PEPD: variants seen among roughly 807,000 people sequenced by gnomAD.
PEPD encodes the protein xaa-Pro dipeptidase.
In PEPD, 53 loss-of-function variants were observed where a neutral mutation model predicts 60.7. The ratio of observed to expected loss-of-function variants is 0.87; its 90% CI spans 0.70 to 1.10. PEPD has a LOEUF of 1.10. Ranked by LOEUF, PEPD falls within the 50% of genes least tolerant of loss-of-function variation. The pLI, the probability that PEPD is intolerant of heterozygous loss-of-function variation, is 0.00. For missense variants in PEPD, 711 were observed against 711.9 expected (o/e 1.00, Z 0.01); for synonymous variants, 267 against 284.1 (o/e 0.94, Z 0.60).
intron 11 of PEPD, among the ~76,000 whole-genome samples, chr19:33,404,388 C>A (rs1377760323): frequency 6.6e-6 from 1 of 152,138 alleles, no homozygotes; most frequent in Non-Finnish European, 1.5e-5. Flanking sequence ...GCAACAGCAG[C>A]CGGGGCAGAA....
chr19:33,401,173 T>C (rs1050627505), intron 12 of PEPD, among the ~76,000 whole-genome samples: 2 of 152,222 alleles, frequency 1.3e-5, no homozygotes, highest in Non-Finnish European at 2.9e-5. Context: ...ATGGCCATCA[T>C]GGTGGTGACT....
At chr19:33,430,927 T>C (rs774258843) in intron 9 of PEPD, among the ~76,000 whole-genome samples, 30 of 152,032 alleles carry the variant, frequency 2.0e-4, no homozygotes, top group Non-Finnish European at 4.1e-4. Flanking sequence ...GGAACCACAG[T>C]GTATCTCTGT....
chr19:33,462,932 T>G (rs1046548158), intron 9 of PEPD, 63 bp downstream of exon 9: 8 of 1,013,266 alleles, frequency 7.9e-6, no homozygotes, highest in African/African-American at 1.6e-5. Context: ...TGTTACTCAC[T>G]CAGGGAACAT....
In PEPD at chr19:33,413,605, C is replaced by G; in HGVS notation, c.710G>C (p.Arg237Pro). ...EHYCYSRGGM[R>P]HSSYTCICGS... ...GCAGATGCAGGTGTAGGAGCTGTGG[C>G]GCATGCCGCCCCGGGAGTAGCAGTA... The change falls in exon 10 of 15, where the codon CGC becomes CCC. Residue 237 changes from arginine (R) to proline (P), a missense_variant. Transcript: ENST00000244137. 6.3e-7 allele frequency: 1 copy of G among 1,587,024 alleles called. No homozygotes were observed. The highest frequency in any genetic ancestry group is 2.3e-5 in the East Asian group (1 of 43,636).
intron 9 of PEPD, among the ~76,000 whole-genome samples, chr19:33,435,548 AC>A (rs1249033272): frequency 6.6e-6 from 1 of 151,876 alleles, no homozygotes; most frequent in Non-Finnish European, 1.5e-5. Context: ...TCCAGAACCA[AC>A]CCCCCTCGTT....
chr19:33,482,049 CAAA>C (rs1231807455), intron 6 of PEPD, among the ~76,000 whole-genome samples: 1 of 151,958 alleles, frequency 6.6e-6, no homozygotes, highest in African/African-American at 2.4e-5. Context: ...ACAACAACAA[CAAA>C]AACAGAAAAG....
intron 9 of PEPD, among the ~76,000 whole-genome samples, chr19:33,442,164 C>T (rs958224392): frequency 3.3e-5 from 5 of 152,248 alleles, no homozygotes; most frequent in Non-Finnish European, 5.9e-5. Context: ...TTTAGGAGGC[C>T]GAGGTGGGTG....
At position 33,387,361 on chromosome 19, in the gene PEPD, AGGG is replaced by A; in HGVS notation, c.1462_1464del (p.Pro488del). The A allele has an allele frequency of 1.2e-6, 2 of 1,613,994 alleles. No homozygotes were observed. The highest frequency in any genetic ancestry group is 1.7e-6 in the Non-Finnish European group (2 of 1,180,038). On this transcript the variant is annotated inframe_deletion, in exon 15 of 15. Coordinates refer to ENST00000244137, the MANE Select transcript of PEPD (RefSeq NM_000285.4). Reference sequence around the variant, plus strand: ...GGCTGGCTCTACTTGGGGCCAGAGAAGGGGGTAAAGGCCTTGTCACAGCCTGCC... The same window carrying A: ...GGCTGGCTCTACTTGGGGCCAGAGAAGGTAAAGGCCTTGTCACAGCCTGCC...
chr19:33,442,809 T>A (rs1969509077), intron 9 of PEPD, among the ~76,000 whole-genome samples: 1 of 152,186 alleles, frequency 6.6e-6, no homozygotes, highest in Non-Finnish European at 1.5e-5. Flanking sequence ...TAAACCGATC[T>A]TACCTGTCAC....
chr19:33,470,206 G>A (rs758681231), intron 7 of PEPD, among the ~76,000 whole-genome samples: 2 of 152,028 alleles, frequency 1.3e-5, no homozygotes, highest in Non-Finnish European at 2.9e-5. Context: ...TCTCTGGCCT[G>A]GACAAGCCCT....
At chr19:33,494,996 T>G (rs748377398) in intron 4 of PEPD, among the ~76,000 whole-genome samples, 8 of 151,326 alleles carry the variant, frequency 5.3e-5, no homozygotes, top group Non-Finnish European at 1.2e-4. Context: ...ATTAGCTGGA[T>G]GTGGTGGCGG....
intron 13 of PEPD, 76 bp from the exon 14 acceptor site, chr19:33,388,157 G>T: frequency 8.3e-7 from 1 of 1,202,500 alleles, no homozygotes; most frequent in East Asian, 2.5e-5. Context: ...AGATGGGCAT[G>T]TGAGGGCCGG....
At chr19:33,507,775 A>C (rs1177337365) in intron 3 of PEPD, among the ~76,000 whole-genome samples, 1 of 152,074 alleles carries the variant, frequency 6.6e-6, no homozygotes, top group Non-Finnish European at 1.5e-5. Context: ...CTCCAGTCCC[A>C]CATAGTCAAC....
At chr19:33,410,035 C>A (rs1047188465) in intron 11 of PEPD, among the ~76,000 whole-genome samples, 1 of 152,250 alleles carries the variant, frequency 6.6e-6, no homozygotes, top group African/African-American at 2.4e-5. Context: ...GCAGGGGGGA[C>A]TGGGGACTCG....
At chr19:33,457,698 G>C (rs1969829675) in intron 9 of PEPD, among the ~76,000 whole-genome samples, 1 of 152,206 alleles carries the variant, frequency 6.6e-6, no homozygotes, top group African/African-American at 2.4e-5. Flanking sequence ...TTTTAGTAGA[G>C]ACGCGGTTTC....
chr19:33,499,923 G>T (rs1183159220), intron 4 of PEPD, among the ~76,000 whole-genome samples: 3 of 152,196 alleles, frequency 2.0e-5, no homozygotes, highest in African/African-American at 4.8e-5. Flanking sequence ...TGATCCCTGG[G>T]AACCTGCTTC....
chr19:33,496,815 T>TC (rs2145328624), intron 4 of PEPD, among the ~76,000 whole-genome samples: 1 of 152,294 alleles, frequency 6.6e-6, no homozygotes, highest in South Asian at 2.1e-4. Context: ...TGGGTGTACA[T>TC]CCTCCCCTGG....
At chr19:33,464,816 T>C (rs1203385792) in intron 7 of PEPD, among the ~76,000 whole-genome samples, 2 of 152,068 alleles carry the variant, frequency 1.3e-5, no homozygotes, top group Non-Finnish European at 2.9e-5. Flanking sequence ...AGGTTTCTGG[T>C]GGTTGCAATC....
intron 12 of PEPD, among the ~76,000 whole-genome samples, chr19:33,392,262 C>T (rs889004594): frequency 6.6e-6 from 1 of 152,196 alleles, no homozygotes; most frequent in Non-Finnish European, 1.5e-5. Flanking sequence ...GGGGGCCACA[C>T]AGGCTCTGTG....
Sources: allele counts gnomAD v4.1 joint callset (sites outside exome capture counted in the v4.1 genomes callset), GRCh38; gene constraint gnomAD v4.1.1; transcripts MANE v1.5; gene names NCBI Gene and HGNC (gene_info 2026-07-23, HGNC 2026-07-21).